The following TNIK variants were observed in gnomAD, a reference collection of about 807,000 sequenced individuals.
The protein encoded by TNIK is TRAF2 and NCK-interacting protein kinase.
A neutral mutation model predicts 191.3 loss-of-function variants in TNIK; 49 were observed. That is an observed-to-expected ratio of 0.26 (90% CI 0.20 to 0.32). The LOEUF (loss-of-function observed/expected upper bound fraction) is 0.32. Among genes scored for constraint, TNIK ranks in the 10% least tolerant of loss-of-function variants. The pLI is 1.00. For synonymous variants in TNIK, 594 were observed against 600.9 expected (o/e 0.99, Z 0.17); for missense variants, 1,155 against 1,702.3 (o/e 0.68, Z 5.66).
chr3:171,343,130 A>G (rs926729829), intron 2 of TNIK, among the ~76,000 whole-genome samples: 3 of 152,020 alleles, frequency 2.0e-5, no homozygotes, highest in Admixed American at 1.3e-4. Context: ...ACAACCCTCA[A>G]GGTAGAGTCT....
intron 1 of TNIK, among the ~76,000 whole-genome samples, chr3:171,400,474 T>C (rs1219243852): frequency 5.3e-5 from 8 of 151,830 alleles, no homozygotes; most frequent in Admixed American, 5.3e-4. Flanking sequence ...GAGGCTAAGA[T>C]TGAAGGATCA....
chr3:171,304,565 GTTTA>G, intron 2 of TNIK, among the ~76,000 whole-genome samples: 1 of 152,156 alleles, frequency 6.6e-6, no homozygotes, highest in East Asian at 1.9e-4. Context: ...GCATACGTAT[GTTTA>G]TTGCGGCACT....
chr3:171,085,353 C>G, intron 24 of TNIK, 124 bp from the exon 25 acceptor site: 1 of 863,832 alleles, frequency 1.2e-6, no homozygotes. Context: ...TGTTCACATT[C>G]TAGTGCTCTA....
intron 2 of TNIK, among the ~76,000 whole-genome samples, chr3:171,269,722 C>G (rs1748856196): frequency 6.6e-6 from 1 of 152,192 alleles, no homozygotes; most frequent in Non-Finnish European, 1.5e-5. Context: ...ACCACTGAAA[C>G]AGCCTATGCT....
At chr3:171,277,699 G>T (rs952027758) in intron 2 of TNIK, among the ~76,000 whole-genome samples, 1 of 152,130 alleles carries the variant, frequency 6.6e-6, no homozygotes, top group Non-Finnish European at 1.5e-5. Context: ...TTCACATATT[G>T]TGTAAGTCTG....
rs1448269410 is a variant in TNIK, at chr3:171,128,851, G to C, written c.1636C>G (p.Gln546Glu). The change falls in exon 16 of 33, where the codon CAA becomes GAA. Residue 546 changes from glutamine (Q) to glutamate (E), a missense_variant. Coordinates refer to ENST00000436636, the MANE Select transcript of TNIK (RefSeq NM_015028.4). ...EVEERSRLNR[Q>E]SSPAMPHKVA... ...TTGTGAGGCATGGCAGGGGAACTTTGCCGGTTGAGCCTTGACCGTTCTTCT... is the reference window on the plus strand; with the variant it reads ...TTGTGAGGCATGGCAGGGGAACTTTCCCGGTTGAGCCTTGACCGTTCTTCT... 1 of 1,550,670 alleles carries C rather than the reference G, an allele frequency of 6.4e-7. No homozygotes were observed. Among genetic ancestry groups the C allele is most frequent in the Admixed American group, 2.0e-5 (1 of 50,718 alleles).
intron 9 of TNIK, among the ~76,000 whole-genome samples, chr3:171,173,081 T>G (rs1735517653): frequency 6.6e-6 from 1 of 151,880 alleles, no homozygotes; most frequent in African/African-American, 2.4e-5. Flanking sequence ...TAGACCATGG[T>G]TAAGATGAAA....
chr3:171,447,259 G>A (rs778358166), intron 1 of TNIK, among the ~76,000 whole-genome samples: 12 of 150,728 alleles, frequency 8.0e-5, no homozygotes, highest in Non-Finnish European at 1.8e-4. Context: ...GAATGTCACT[G>A]TTAATCCCCA....
chr3:171,248,883 T>C (rs1745912008), intron 2 of TNIK, among the ~76,000 whole-genome samples: 1 of 152,250 alleles, frequency 6.6e-6, no homozygotes, highest in Admixed American at 6.5e-5. Flanking sequence ...CTTATTGACC[T>C]TGTCATACAA....
At chr3:171,316,980 A>C (rs868280018) in intron 2 of TNIK, among the ~76,000 whole-genome samples, 1 of 141,280 alleles carries the variant, frequency 7.1e-6, no homozygotes, top group African/African-American at 2.6e-5. Flanking sequence ...TATGATATAT[A>C]TCATATAAAA....
At chr3:171,456,084 G>A (rs1428304117) in intron 1 of TNIK, among the ~76,000 whole-genome samples, 1 of 152,190 alleles carries the variant, frequency 6.6e-6, no homozygotes, top group Non-Finnish European at 1.5e-5. Context: ...GACAAGTGTA[G>A]ATCATCTAAT....
intron 28 of TNIK, among the ~76,000 whole-genome samples, chr3:171,075,095 A>G (rs1274353743): frequency 6.6e-6 from 1 of 152,222 alleles, no homozygotes; most frequent in Non-Finnish European, 1.5e-5. Context: ...CTTGTCAGGT[A>G]TATGCAAGAG....
intron 2 of TNIK, among the ~76,000 whole-genome samples, chr3:171,276,679 T>C (rs187268477): frequency 4.6e-4 from 70 of 152,290 alleles, no homozygotes; most frequent in African/African-American, 1.5e-3. Context: ...ATCTGTATTA[T>C]ATAAAAGTAA....
intron 2 of TNIK, among the ~76,000 whole-genome samples, chr3:171,277,998 A>G (rs1391163014): frequency 6.6e-6 from 1 of 152,218 alleles, no homozygotes; most frequent in Non-Finnish European, 1.5e-5. Flanking sequence ...ACTGCACTCC[A>G]GCAGGGGTGA....
At chr3:171,280,513 C>T (rs1476598975) in intron 2 of TNIK, among the ~76,000 whole-genome samples, 1 of 152,122 alleles carries the variant, frequency 6.6e-6, no homozygotes, top group Non-Finnish European at 1.5e-5. Flanking sequence ...TAGCACTGTG[C>T]CTGGCACATA....
chr3:171,118,836 C>G (rs1397745184), intron 18 of TNIK, among the ~76,000 whole-genome samples: 1 of 152,176 alleles, frequency 6.6e-6, no homozygotes, highest in Non-Finnish European at 1.5e-5. Flanking sequence ...CATAAAAACC[C>G]TAGAATAAAA....
At chr3:171,365,761 C>T (rs1380809395) in intron 2 of TNIK, among the ~76,000 whole-genome samples, 1 of 152,206 alleles carries the variant, frequency 6.6e-6, no homozygotes, top group African/African-American at 2.4e-5. Context: ...ACACTCACAG[C>T]ATCTGTCTCT....
At chr3:171,452,525 T>C (rs1214330050) in intron 1 of TNIK, among the ~76,000 whole-genome samples, 1 of 152,024 alleles carries the variant, frequency 6.6e-6, no homozygotes, top group Non-Finnish European at 1.5e-5. Flanking sequence ...GGGCTCTAAC[T>C]CCCAGCTGTG....
Position 171,369,650 on chromosome 3 carries a change from A to G in TNIK, c.93T>C (p.Val31=). 6.3e-7 allele frequency: 1 copy of G among 1,577,572 alleles called. No individual in the cohort carries two copies. The highest frequency in any genetic ancestry group is 8.6e-7 in the Non-Finnish European group (1 of 1,160,480). ...AAACTTGCCCGTATGTTCCATTTCC[A>G]ACAAGTTCCACCAATTCAAAGATCC... ...PAGIFELVEL[V]GNGTYGQVYK... Residue 31 remains valine (V), a synonymous_variant, in exon 2 of 33, where the codon GTT becomes GTC. Coordinates refer to ENST00000436636, the MANE Select transcript of TNIK (RefSeq NM_015028.4).
Sources: allele counts gnomAD v4.1 joint callset (sites outside exome capture counted in the v4.1 genomes callset), GRCh38; gene constraint gnomAD v4.1.1; transcripts MANE v1.5; gene names NCBI Gene and HGNC (gene_info 2026-07-23, HGNC 2026-07-21).